CERS6: variants seen among roughly 807,000 people sequenced by gnomAD.
CERS6 encodes LAG1 homolog, ceramide synthase 6.
Under a neutral mutation model 56.8 loss-of-function variants are expected in CERS6, and 26 were observed. The ratio of observed to expected loss-of-function variants is 0.46; its 90% CI spans 0.34 to 0.63. The LOEUF is 0.63. Ranked by LOEUF, CERS6 falls within the 30% of genes least tolerant of loss-of-function variation. The pLI is 0.01. For synonymous variants in CERS6, 164 were observed against 173.3 expected (o/e 0.95, Z 0.42); for missense variants, 415 against 467.5 (o/e 0.89, Z 1.04).
chr2:168,707,561 T>C (rs1410662671), intron 6 of CERS6, among the ~76,000 whole-genome samples: 1 of 152,208 alleles, frequency 6.6e-6, no homozygotes, highest in Non-Finnish European at 1.5e-5. Context: ...TTATGTGAAA[T>C]ACCTTTCTTT....
intron 8 of CERS6, among the ~76,000 whole-genome samples, chr2:168,735,917 T>TCTAGGCAG (rs1370140565): frequency 6.6e-6 from 1 of 151,388 alleles, no homozygotes; most frequent in Non-Finnish European, 1.5e-5. Flanking sequence ...GAAATATTTT[T>TCTAGGCAG]CTAGGCAGCT....
intron 3 of CERS6, among the ~76,000 whole-genome samples, chr2:168,617,360 A>T (rs918941026): frequency 6.6e-6 from 1 of 152,202 alleles, no homozygotes; most frequent in African/African-American, 2.4e-5. Flanking sequence ...CAAACCCAGC[A>T]GAAGAAAGGA....
At chr2:168,757,252 G>C (rs1341644202) in intron 8 of CERS6, among the ~76,000 whole-genome samples, 1 of 151,974 alleles carries the variant, frequency 6.6e-6, no homozygotes, top group Non-Finnish European at 1.5e-5. Flanking sequence ...TTGCCTGGAA[G>C]GACTCAGATT....
In CERS6 at chr2:168,772,982, G is replaced by C. The variant is rs577570831; in HGVS notation, c.*3320G>C. The stretch of plus-strand genomic sequence containing the variant: ...AGAGTATTTGGTGGAGTTTGAATTT[G>C]AGCAAACTAAATGCCTTCATCTTAG... On this transcript the variant is annotated 3_prime_UTR_variant, in exon 10 of 10. Transcript: ENST00000305747. 21 of 152,376 alleles carry C rather than the reference G, an allele frequency of 1.4e-4. No individual in the cohort carries two copies. The highest frequency in any genetic ancestry group is 3.6e-4 in the African/African-American group (15 of 41,566). 9.4% of individuals were successfully genotyped at this position (152,376 alleles called of 1,614,324 possible).
chr2:168,529,605 C>T (rs144878714), intron 1 of CERS6, among the ~76,000 whole-genome samples: 1 of 152,232 alleles, frequency 6.6e-6, no homozygotes, highest in African/African-American at 2.4e-5. Flanking sequence ...GTCACCAACT[C>T]AACAAAGTCA....
chr2:168,580,331 C>G (rs1683378502), intron 3 of CERS6, among the ~76,000 whole-genome samples: 1 of 151,748 alleles, frequency 6.6e-6, no homozygotes, highest in African/African-American at 2.4e-5. Context: ...TCCATTTTCC[C>G]TTTTAGTTTT....
chr2:168,763,854 A>G (rs75628512), intron 8 of CERS6, among the ~76,000 whole-genome samples: 3,722 of 152,122 alleles, frequency 0.024, 149 homozygotes, highest in African/African-American at 0.083. Flanking sequence ...TGAGGAGGAG[A>G]GCAGAGAGTA....
intron 3 of CERS6, among the ~76,000 whole-genome samples, chr2:168,604,694 CCT>C (rs1035761154): frequency 4.0e-5 from 6 of 150,864 alleles, no homozygotes; most frequent in Non-Finnish European, 4.4e-5. Context: ...TGGCACCTCC[CCT>C]CTCTCTCTCT....
rs911058492 is a variant in CERS6, at chr2:168,732,969, T to TA, written c.845+15000dup. On this transcript the variant is annotated intron_variant, in intron 8 of 9. Transcript: ENST00000305747. ...TATCAAATAGCTATATTTACGTATG[T>TA]AAAAAAAAAGATACAGTGATGCCGA... Among the ~76,000 whole-genome samples the TA allele has an allele frequency of 8.1e-4, 123 of 151,340 alleles. No individual in the cohort carries two copies. The East Asian group carries it at 0.012, about 15-fold the overall frequency.
At chr2:168,565,811 C>G (rs1188102596) in intron 3 of CERS6, among the ~76,000 whole-genome samples, 1 of 152,116 alleles carries the variant, frequency 6.6e-6, no homozygotes, top group African/African-American at 2.4e-5. Context: ...CATTCAGATT[C>G]TTATTGGCAA....
chr2:168,493,175 T>C (rs1019038741), intron 1 of CERS6, among the ~76,000 whole-genome samples: 7 of 152,190 alleles, frequency 4.6e-5, no homozygotes, highest in African/African-American at 1.7e-4. Context: ...TGCATTCCAT[T>C]TTCCTTATTG....
At chr2:168,721,997 C>A (rs531202088) in intron 8 of CERS6, among the ~76,000 whole-genome samples, 67 of 152,270 alleles carry the variant, frequency 4.4e-4, no homozygotes, top group Middle Eastern at 3.4e-3. Context: ...TTCTCTACTT[C>A]CTTGCCAACA....
At chr2:168,666,723 C>A (rs1355728404) in intron 4 of CERS6, among the ~76,000 whole-genome samples, 1 of 152,198 alleles carries the variant, frequency 6.6e-6, no homozygotes, top group Non-Finnish European at 1.5e-5. Flanking sequence ...GCATTGAGAA[C>A]CCACATTGAG....
chr2:168,710,267 CA>C (rs1360295947), intron 6 of CERS6, among the ~76,000 whole-genome samples: 3 of 152,274 alleles, frequency 2.0e-5, no homozygotes, highest in South Asian at 2.1e-4. Context: ...ACTAATCCTC[CA>C]TAAGTGTTTT....
At chr2:168,709,308 A>G (rs1220547465) in intron 6 of CERS6, among the ~76,000 whole-genome samples, 1 of 152,160 alleles carries the variant, frequency 6.6e-6, no homozygotes, top group African/African-American at 2.4e-5. Context: ...TAATAAGGAA[A>G]AAACAGCGTT....
chr2:168,736,144 C>T (rs147157160), intron 8 of CERS6, among the ~76,000 whole-genome samples: 538 of 152,260 alleles, frequency 3.5e-3, no homozygotes, highest in African/African-American at 0.012. Flanking sequence ...TCTTCTCATA[C>T]TTTTGTTACC....
chr2:168,762,791 TCTC>T (rs1684618504), intron 8 of CERS6, among the ~76,000 whole-genome samples: 2 of 152,248 alleles, frequency 1.3e-5, no homozygotes, highest in Admixed American at 6.5e-5. Flanking sequence ...AAACTGTTAG[TCTC>T]ATTCTAGTCT....
At chr2:168,644,101 C>A (rs1453859449) in intron 4 of CERS6, 1 of 985,086 alleles carries the variant, frequency 1.0e-6, no homozygotes, top group Non-Finnish European at 1.2e-6. Flanking sequence ...AGCTTACAGG[C>A]TAATAGGAGA....
At chr2:168,709,025 C>T (rs985813932) in intron 6 of CERS6, among the ~76,000 whole-genome samples, 4 of 152,116 alleles carry the variant, frequency 2.6e-5, no homozygotes, top group Non-Finnish European at 5.9e-5. Flanking sequence ...AGATTCTCTA[C>T]AGCTTGATCA....
Sources: gnomAD v4.1 joint callset for allele counts (sites outside exome capture counted in the v4.1 genomes callset) on GRCh38, gnomAD v4.1.1 for gene constraint, MANE v1.5 for transcripts, NCBI Gene and HGNC (gene_info 2026-07-23, HGNC 2026-07-21) for gene names.